LRRC40: variants seen among roughly 807,000 people sequenced by gnomAD.
The protein encoded by LRRC40 is leucine-rich repeat-containing protein 40.
LRRC40 carries 76 observed loss-of-function variants against 72.8 expected under a neutral mutation model. The observed-to-expected ratio is 1.04, with a 90% CI of 0.87 to 1.26. The LOEUF (loss-of-function observed/expected upper bound fraction) is 1.26. Among genes scored for constraint, LRRC40 ranks in the 50% most tolerant of loss-of-function variants. LRRC40 has a pLI of 0.00. For missense variants in LRRC40, 684 were observed against 698.9 expected, an observed-to-expected ratio of 0.98 and a Z score of 0.24; for synonymous variants, 243 against 254.2, an observed-to-expected ratio of 0.96 and a Z score of 0.42.
intron 5 of LRRC40, among the ~76,000 whole-genome samples, chr1:70,179,363 T>C (rs2100302588): frequency 6.6e-6 from 1 of 152,212 alleles, no homozygotes; most frequent in Non-Finnish European, 1.5e-5. Context: ...GGTGCATGCC[T>C]GTAGTCCCAG....
At chr1:70,188,643 G>A (rs1168344613) in intron 2 of LRRC40, among the ~76,000 whole-genome samples, 1 of 152,132 alleles carries the variant, frequency 6.6e-6, no homozygotes, top group Non-Finnish European at 1.5e-5. Flanking sequence ...GACTGAGGCA[G>A]GAGAATTGCT....
chr1:70,175,721 G>A, intron 7 of LRRC40, 89 bp downstream of exon 7: 1 of 923,654 alleles, frequency 1.1e-6, no homozygotes, highest in Non-Finnish European at 1.6e-6. Flanking sequence ...TAGAAAAAAG[G>A]AACCTCTTGG....
intron 1 of LRRC40, among the ~76,000 whole-genome samples, chr1:70,193,153 A>C (rs1188230761): frequency 1.3e-5 from 2 of 152,118 alleles, no homozygotes; most frequent in African/African-American, 4.8e-5. Flanking sequence ...CAAGGAAATA[A>C]AAGGTGGAAA....
intron 1 of LRRC40, among the ~76,000 whole-genome samples, chr1:70,190,014 T>C (rs904328865): frequency 2.6e-5 from 4 of 152,242 alleles, no homozygotes; most frequent in African/African-American, 7.2e-5. Context: ...TGTTATGCTA[T>C]TGCAGCAAGT....
chr1:70,190,382 C>T (rs911214093), intron 1 of LRRC40, among the ~76,000 whole-genome samples: 49 of 151,780 alleles, frequency 3.2e-4, no homozygotes, highest in African/African-American at 1.2e-3. Flanking sequence ...GACTTATACT[C>T]ACTGAAAAAA....
At chr1:70,166,618 C>T (rs1667884252) in intron 9 of LRRC40, among the ~76,000 whole-genome samples, 1 of 149,254 alleles carries the variant, frequency 6.7e-6, no homozygotes. Flanking sequence ...TATAGTGCCA[C>T]AGTACTTTAG....
At chr1:70,151,491 C>G (rs1423098805) in intron 12 of LRRC40, among the ~76,000 whole-genome samples, 1 of 152,040 alleles carries the variant, frequency 6.6e-6, no homozygotes, top group Non-Finnish European at 1.5e-5. Flanking sequence ...AACTAATTAG[C>G]TCCTTCAAAG....
chr1:70,154,996 A>G (rs780796099), intron 11 of LRRC40, among the ~76,000 whole-genome samples: 1 of 152,170 alleles, frequency 6.6e-6, no homozygotes, highest in Non-Finnish European at 1.5e-5. Flanking sequence ...ATCCTGTCTC[A>G]CATTGGGTTG....
At chr1:70,173,428 T>C (rs754703579) in intron 9 of LRRC40, 37 bp downstream of exon 9, 2 of 1,449,486 alleles carry the variant, frequency 1.4e-6, no homozygotes, top group South Asian at 2.3e-5. Context: ...CCACTTTTTA[T>C]GAATCCTTCA....
At chr1:70,189,320 G>C in intron 1 of LRRC40, 47 bp from the exon 2 acceptor site, 1 of 859,034 alleles carries the variant, frequency 1.2e-6, no homozygotes, top group Non-Finnish European at 1.6e-6. Context: ...AAAAAAAAAA[G>C]ATGAAAACCA....
chr1:70,171,334 T>G (rs1402494307), intron 9 of LRRC40, among the ~76,000 whole-genome samples: 14 of 146,054 alleles, frequency 9.6e-5, no homozygotes, highest in Non-Finnish European at 2.1e-4. Flanking sequence ...AAAAAAAAAA[T>G]GAAAAATTGG....
intron 1 of LRRC40, 120 bp from the exon 2 acceptor site, chr1:70,189,393 T>G: frequency 1.2e-6 from 1 of 816,716 alleles, no homozygotes; most frequent in Non-Finnish European, 1.8e-6. Flanking sequence ...GAAAAACATT[T>G]TCTAAAACAA....
intron 1 of LRRC40, among the ~76,000 whole-genome samples, chr1:70,192,755 A>C (rs994390317): frequency 6.6e-6 from 1 of 152,114 alleles, no homozygotes; most frequent in African/African-American, 2.4e-5. Flanking sequence ...AGTGGGAGCT[A>C]AATGATGAGA....
intron 10 of LRRC40, among the ~76,000 whole-genome samples, chr1:70,157,801 G>T (rs1432287794): frequency 2.6e-5 from 4 of 152,026 alleles, no homozygotes; most frequent in Admixed American, 2.6e-4. Context: ...ATATTATTTG[G>T]AAGATAAGAT....
chr1:70,161,675 AT>A (rs1363433719), intron 9 of LRRC40, among the ~76,000 whole-genome samples: 1 of 152,166 alleles, frequency 6.6e-6, no homozygotes, highest in African/African-American at 2.4e-5. Context: ...GCTTCAACTT[AT>A]CCCTTTGAAG....
At chr1:70,175,089 T>G (rs1281736368) in intron 7 of LRRC40, among the ~76,000 whole-genome samples, 1 of 151,540 alleles carries the variant, frequency 6.6e-6, no homozygotes, top group African/African-American at 2.4e-5. Context: ...AATCAAATAC[T>G]ATTAGGCAAA....
Position 70,159,334 on chromosome 1 carries a change from A to G in LRRC40, c.1216T>C (p.Tyr406His). 7.5e-7 allele frequency: 1 copy of G among 1,335,878 alleles called. No homozygotes were observed. The highest frequency in any genetic ancestry group is 1.1e-6 in the Non-Finnish European group (1 of 941,038). 82.8% of individuals were successfully genotyped at this position (1,335,878 alleles called of 1,614,324 possible). A position where few individuals can be genotyped will look rare whatever the true frequency, so the allele number is the denominator to read the frequency against. ...AAATAATAATAAATTACATACCTAT[A>G]GTCTAATATTTTTAATGTAATGATG... Reference protein sequence around the residue: ...HAIITLKILDYSDKQATLIPD... With the variant: ...HAIITLKILDHSDKQATLIPD... The change falls in exon 10 of 15, where the codon TAT (tyrosine) becomes CAT (histidine). Residue 406 changes from tyrosine (Y) to histidine (H), a missense_variant. Transcript: ENST00000370952.
chr1:70,155,821 A>C, intron 10 of LRRC40, 25 bp from the exon 11 acceptor site: 1 of 1,172,196 alleles, frequency 8.5e-7, no homozygotes, highest in East Asian at 2.5e-5. Flanking sequence ...GTTTTAAAAA[A>C]CGAACCATTC....
chr1:70,186,584 A>T (rs1273487312), intron 3 of LRRC40, among the ~76,000 whole-genome samples: 1 of 152,218 alleles, frequency 6.6e-6, no homozygotes. Context: ...TATAAGCCAC[A>T]GTTTTTCAAA....
Sources: gnomAD v4.1 joint callset for allele counts (sites outside exome capture counted in the v4.1 genomes callset) on GRCh38, gnomAD v4.1.1 for gene constraint, MANE v1.5 for transcripts, NCBI Gene and HGNC (gene_info 2026-07-23, HGNC 2026-07-21) for gene names.